COX7C: variants seen among roughly 807,000 people sequenced by gnomAD.
COX7C encodes cytochrome c oxidase subunit 7C.
A neutral mutation model predicts 6.4 loss-of-function variants in COX7C; 1 was observed. The observed-to-expected ratio is 0.16, with a 90% CI of 0.06 to 0.74. The LOEUF (loss-of-function observed/expected upper bound fraction) is 0.74. Ranked by LOEUF, COX7C falls within the 30% of genes least tolerant of loss-of-function variation. The probability of loss-of-function intolerance (pLI) is 0.78; values close to 1 mark genes in which losing one functional copy is unlikely to be tolerated. For missense variants in COX7C, 54 were observed against 73.7 expected (o/e 0.73, Z 0.98); for synonymous variants, 24 against 28.9 (o/e 0.83, Z 0.54).
In COX7C at chr5:86,618,098, C is replaced by T; in HGVS notation, c.43C>T (p.Arg15Cys). ...CCGGAGGTTCACAACCTCTGTGGTC[C>T]GTAGGAGCCACTATGAGGAGGGCCC... ...SIRRFTTSVV[R>C]RSHYEEGPGK... is the part of the protein sequence containing the mutation. The change falls in exon 1 of 3, where the codon CGT becomes TGT. Residue 15 changes from arginine (R) to cysteine (C), a missense_variant. Arg to Cys is a radical substitution (Grantham distance 180). Transcript: ENST00000247655. The T allele has an allele frequency of 1.9e-6, 3 of 1,614,078 alleles. No individual in the cohort carries two copies. The highest frequency in any genetic ancestry group is 2.5e-6 in the Non-Finnish European group (3 of 1,180,014).
At chr5:86,618,896 C>A (rs926956305) in intron 1 of COX7C, among the ~76,000 whole-genome samples, 18 of 151,040 alleles carry the variant, frequency 1.2e-4, no homozygotes, top group African/African-American at 4.1e-4. Flanking sequence ...GCAGGAGAAT[C>A]GCTTGAACCC....
At chr5:86,620,545 A>G (rs1175799430) in intron 2 of COX7C, 123 bp from the exon 3 acceptor site, 1 of 314,268 alleles carries the variant, frequency 3.2e-6, no homozygotes, top group Non-Finnish European at 7.0e-6. Flanking sequence ...TGAATTCATG[A>G]TACTGTAAAC....
At chr5:86,619,806 A>C (rs1196793428) in intron 2 of COX7C, 2 of 213,912 alleles carry the variant, frequency 9.3e-6, no homozygotes, top group Non-Finnish European at 1.9e-5. Flanking sequence ...TCAACATCTC[A>C]TAACTAGTAT....
At chr5:86,618,551 A>G (rs1750050566) in intron 1 of COX7C, among the ~76,000 whole-genome samples, 1 of 152,214 alleles carries the variant, frequency 6.6e-6, no homozygotes, top group African/African-American at 2.4e-5. Context: ...AGTTAGAAGT[A>G]CTAACCCTTC....
chr5:86,619,455 C>A lies in COX7C; in HGVS notation c.178C>A (p.Leu60Met). The stretch of plus-strand genomic sequence containing the variant: ...ACCCTTCCTTGTAGTAAGACACCAA[C>A]TGCTTAAAACATAAGGATGTTTCAG... Reference protein sequence around the residue: ...ATPFLVVRHQLLKT With the variant: ...ATPFLVVRHQMLKT Residue 60 changes from leucine to methionine, a missense_variant, in exon 2 of 3, where the codon CTG (leucine) becomes ATG (methionine). Physicochemically the swap from Leu to Met is conservative, Grantham distance 15. Coordinates refer to ENST00000247655, the MANE Select transcript of COX7C (RefSeq NM_001867.3). 3 of 1,603,174 alleles carry A rather than the reference C, an allele frequency of 1.9e-6. No homozygotes were observed. The highest frequency in any genetic ancestry group is 2.6e-6 in the Non-Finnish European group (3 of 1,170,038).
Position 86,618,028 on chromosome 5 carries a change from C to T in COX7C, c.-28C>T. ...CCATTTCATCTGTCCTCATTCTCTGCGCCTTTCGCAGAGCTTCCAGCAGCG... is the reference window on the plus strand; with the variant it reads ...CCATTTCATCTGTCCTCATTCTCTGTGCCTTTCGCAGAGCTTCCAGCAGCG... On this transcript the variant is annotated 5_prime_UTR_variant, in exon 1 of 3. Transcript: ENST00000247655. 1 of 1,610,964 alleles carries T rather than the reference C, an allele frequency of 6.2e-7. No individual in the cohort carries two copies. The highest frequency in any genetic ancestry group is 8.5e-7 in the Non-Finnish European group (1 of 1,178,248).
intron 1 of COX7C, 30 bp downstream of exon 1, chr5:86,618,160 G>A: frequency 6.2e-7 from 1 of 1,609,146 alleles, no homozygotes; most frequent in Non-Finnish European, 8.5e-7. Flanking sequence ...GGCTTCGTTG[G>A]GGGAGGGGGC....
intron 2 of COX7C, 177 bp downstream of exon 2, chr5:86,619,673 G>T (rs1379661109): frequency 6.0e-6 from 3 of 503,858 alleles, no homozygotes; most frequent in Non-Finnish European, 1.1e-5. Flanking sequence ...TTTCAATAAT[G>T]GCCAGTGTTT....
At chr5:86,620,468 G>A in intron 2 of COX7C, 200 bp from the exon 3 acceptor site, 1 of 247,000 alleles carries the variant, frequency 4.0e-6, no homozygotes, top group South Asian at 4.2e-5. Context: ...TTTAGAGGGG[G>A]AATAACTTAT....
intron 1 of COX7C, chr5:86,618,477 T>G (rs919320716): frequency 3.5e-6 from 1 of 283,182 alleles, no homozygotes; most frequent in Non-Finnish European, 6.8e-6. Flanking sequence ...ATGAAGGTCA[T>G]TGGAAAATCA....
chr5:86,618,148 A>G lies in COX7C; in HGVS notation c.75+18A>G. ...CTGGGAAGGTTAGTGTGTAAGGGGC[A>G]CGGCTTCGTTGGGGGAGGGGGCGCT... On this transcript the variant is annotated intron_variant, in intron 1 of 2. Coordinates refer to ENST00000247655, the MANE Select transcript of COX7C (RefSeq NM_001867.3). 2 of 1,613,388 alleles carry G rather than the reference A, an allele frequency of 1.2e-6. No individual in the cohort carries two copies. Among genetic ancestry groups the G allele is most frequent in the South Asian group, 1.1e-5 (1 of 91,044 alleles).
rs1422145647 is a variant in COX7C at position 86,619,305 on chromosome 5, ATGATT to A, written c.76-44_76-40del. 2.1e-5 allele frequency: 24 copies of A among 1,118,350 alleles called. No individual in the cohort carries two copies. The Admixed American group carries it at 3.0e-4, about 14-fold the overall frequency. The allele number at this position is 1,118,350 out of a possible 1,614,324, so 69.3% of individuals were successfully genotyped here. On this transcript the variant is annotated intron_variant, in intron 1 of 2. Coordinates refer to ENST00000247655, the MANE Select transcript of COX7C (RefSeq NM_001867.3). ...TACTTGTATTTTGATTATTAAGCAG[ATGATT>A]TGAGATTCAATTTCGATTACTTTTT...
At position 86,619,372 on chromosome 5, in the gene COX7C, A is replaced by G. The variant is rs775139836; in HGVS notation, c.95A>G (p.Glu32Gly). The G allele has an allele frequency of 1.2e-6, 2 of 1,612,492 alleles. No individual in the cohort carries two copies. The highest frequency in any genetic ancestry group is 1.7e-6 in the Non-Finnish European group (2 of 1,179,476). The change falls in exon 2 of 3, where the codon GAA becomes GGA. Residue 32 changes from glutamate (E) to glycine (G), a missense_variant. Transcript: ENST00000247655. ...CAACAGAATTTGCCATTTTCAGTGG[A>G]AAACAAGTGGTCGTTACTAGCTAAG... ...GPGKNLPFSVENKWSLLAKMC... is the reference protein window; with the variant it reads ...GPGKNLPFSVGNKWSLLAKMC...
At chr5:86,619,530 G>A in intron 2 of COX7C, 34 bp downstream of exon 2, 2 of 1,102,162 alleles carry the variant, frequency 1.8e-6, no homozygotes, top group South Asian at 2.5e-5. Flanking sequence ...GTTAAAGCAG[G>A]CCTTTTTATT....
At position 86,619,431 on chromosome 5, in the gene COX7C, C is replaced by T; in HGVS notation, c.154C>T (p.Pro52Ser). ...GTACTTTGGATCTGCATTTGCTACACCCTTCCTTGTAGTAAGACACCAACT... is the reference window on the plus strand; with the variant it reads ...GTACTTTGGATCTGCATTTGCTACATCCTTCCTTGTAGTAAGACACCAACT... ...CLYFGSAFATPFLVVRHQLLK... is the reference protein window; with the variant it reads ...CLYFGSAFATSFLVVRHQLLK... The change falls in exon 2 of 3, where the codon CCC (proline) becomes TCC (serine). Residue 52 changes from proline to serine, a missense_variant. Pro to Ser is a moderately conservative substitution (Grantham distance 74). Coordinates refer to ENST00000247655, the MANE Select transcript of COX7C (RefSeq NM_001867.3). The T allele has an allele frequency of 5.0e-6, 8 of 1,613,348 alleles. No homozygotes were observed. Among genetic ancestry groups the T allele is most frequent in the Non-Finnish European group, 6.8e-6 (8 of 1,179,396 alleles).
At chr5:86,619,739 C>T (rs771308594) in intron 2 of COX7C, 4 of 302,460 alleles carry the variant, frequency 1.3e-5, no homozygotes, top group Non-Finnish European at 2.5e-5. Context: ...TGTTCTCTAG[C>T]AAGCTTGTGA....
intron 2 of COX7C, chr5:86,620,449 G>A (rs558050094): frequency 4.1e-6 from 1 of 245,826 alleles, no homozygotes; most frequent in Non-Finnish European, 8.8e-6. Context: ...ATTGGAAAGA[G>A]TGTCATAGTT....
chr5:86,618,363 C>A, intron 1 of COX7C: 1 of 501,618 alleles, frequency 2.0e-6, no homozygotes, highest in East Asian at 3.6e-5. Context: ...CATCAGCCAC[C>A]TGACGCCCCC....
At chr5:86,619,054 G>A (rs961298418) in intron 1 of COX7C, among the ~76,000 whole-genome samples, 3 of 151,604 alleles carry the variant, frequency 2.0e-5, no homozygotes, top group Non-Finnish European at 2.9e-5. Flanking sequence ...TGACTACTTA[G>A]GACAGTAGTT....
Sources: allele counts gnomAD v4.1 joint callset (sites outside exome capture counted in the v4.1 genomes callset), GRCh38; gene constraint gnomAD v4.1.1; transcripts MANE v1.5; gene names NCBI Gene and HGNC (gene_info 2026-07-23, HGNC 2026-07-21).